MSMB: variants seen among roughly 807,000 people sequenced by gnomAD.
MSMB encodes microseminoprotein beta.
A neutral mutation model predicts 10.5 loss-of-function variants in MSMB; 10 were observed. That is an observed-to-expected ratio of 0.95 (90% CI 0.59 to 1.62). MSMB has a LOEUF of 1.62. MSMB is among the 40% of genes most tolerant of loss of function. The pLI is 0.00. For synonymous variants in MSMB, 43 were observed against 46.5 expected (o/e 0.93, Z 0.30); for missense variants, 126 against 137.4 (o/e 0.92, Z 0.42).
chr10:46,036,654 G>A (rs533989875), intron 3 of MSMB, among the ~76,000 whole-genome samples: 1 of 152,322 alleles, frequency 6.6e-6, no homozygotes, highest in African/African-American at 2.4e-5. Flanking sequence ...TAGTATACAA[G>A]GGAATGGAGA....
chr10:46,033,624 T>C, intron 3 of MSMB, 73 bp from the exon 4 acceptor site: 1 of 1,587,224 alleles, frequency 6.3e-7, no homozygotes, highest in Non-Finnish European at 8.6e-7. Flanking sequence ...GTGCCAGCTC[T>C]GTTCAGGAAG....
chr10:46,045,562 G>A (rs1840876132), intron 1 of MSMB, among the ~76,000 whole-genome samples: 1 of 152,002 alleles, frequency 6.6e-6, no homozygotes, highest in Admixed American at 6.6e-5. Context: ...AACAAACACA[G>A]CCCCAAACCC....
chr10:46,037,511 C>A (rs529847097), intron 3 of MSMB, among the ~76,000 whole-genome samples: 1 of 152,176 alleles, frequency 6.6e-6, no homozygotes, highest in Non-Finnish European at 1.5e-5. Context: ...CTCTGTGTTC[C>A]GCCTGCTCAA....
intron 3 of MSMB, among the ~76,000 whole-genome samples, chr10:46,036,939 A>G (rs1554927620): frequency 5.3e-5 from 8 of 152,158 alleles, no homozygotes; most frequent in Non-Finnish European, 1.2e-4. Flanking sequence ...TATAAAGACA[A>G]TGTCAAATTT....
chr10:46,043,390 A>ATGCT (rs1377519019), intron 1 of MSMB, among the ~76,000 whole-genome samples: 2 of 151,378 alleles, frequency 1.3e-5, no homozygotes, highest in Non-Finnish European at 2.9e-5. Flanking sequence ...AAATAGCCTA[A>ATGCT]TGCTGTCTCT....
intron 1 of MSMB, among the ~76,000 whole-genome samples, chr10:46,042,725 G>A (rs1840781118): frequency 6.6e-6 from 1 of 152,164 alleles, no homozygotes; most frequent in Non-Finnish European, 1.5e-5. Context: ...AAGGTAGAAG[G>A]TGAAGTCACA....
At position 46,040,158 on chromosome 10, in the gene MSMB, T is replaced by C. The variant is rs1271203949; in HGVS notation, c.4-67A>G. On this transcript the variant is annotated intron_variant, in intron 1 of 3. Coordinates refer to ENST00000582163, the MANE Select transcript of MSMB (RefSeq NM_002443.4). ...CAAAGGATAATCCTTGACTGAGTGC[T>C]GTGTACCAGGATCTCGGCTGGGCTC... is the stretch of plus-strand genomic sequence containing the variant. 15 of 1,389,464 alleles carry C rather than the reference T, an allele frequency of 1.1e-5. No individual in the cohort carries two copies. The East Asian group carries it at 1.2e-4, about 11-fold the overall frequency. The allele number at this position is 1,389,464 out of a possible 1,614,324, so 86.1% of individuals were successfully genotyped here.
In MSMB at chr10:46,039,000, T is replaced by G; in HGVS notation, c.181A>C (p.Thr61Pro). 1 of 1,614,124 alleles carries G rather than the reference T, an allele frequency of 6.2e-7. No homozygotes were observed. Among genetic ancestry groups the G allele is most frequent in the Non-Finnish European group, 8.5e-7 (1 of 1,179,972 alleles). Residue 61 changes from threonine to proline, a missense_variant, in exon 3 of 4, where the codon ACT becomes CCT. Physicochemically the swap from Thr to Pro is conservative, Grantham distance 38 (BLOSUM62 -1). Transcript: ENST00000582163. ...EWQTDNCETCTCYETEISCCT... is the reference protein window; with the variant it reads ...EWQTDNCETCPCYETEISCCT... The stretch of plus-strand genomic sequence containing the variant: ...CATGAAATTTCTGTTTCGTAGCAAG[T>G]GCATGTCTCACAGTTGTCAGTCTGC...
intron 2 of MSMB, among the ~76,000 whole-genome samples, chr10:46,039,495 G>C (rs561019290): frequency 6.6e-6 from 1 of 152,144 alleles, no homozygotes; most frequent in Non-Finnish European, 1.5e-5. Flanking sequence ...AACATCTTGG[G>C]TACTTGAAAG....
At chr10:46,039,905 A>G (rs1840702427) in intron 2 of MSMB, 81 bp downstream of exon 2, 1 of 1,069,444 alleles carries the variant, frequency 9.4e-7, no homozygotes, top group African/African-American at 1.6e-5. Flanking sequence ...AAACAAACAG[A>G]AACACAAAGG....
chr10:46,043,114 T>A (rs1554928858), intron 1 of MSMB, among the ~76,000 whole-genome samples: 1 of 152,150 alleles, frequency 6.6e-6, no homozygotes, highest in Non-Finnish European at 1.5e-5. Context: ...ACAGCATTTT[T>A]ACTCCCTTCA....
rs188435097 is a variant in MSMB at position 46,038,233 on chromosome 10, A to G, written c.215+733T>C. On this transcript the variant is annotated intron_variant, in intron 3 of 3. Transcript: ENST00000582163. Reference sequence around the variant, plus strand: ...CAATGTGAATGGACCTAATGCCACTAAAGTATACATTTAAAATTGTTAACA... The same window carrying G: ...CAATGTGAATGGACCTAATGCCACTGAAGTATACATTTAAAATTGTTAACA... Among the ~76,000 whole-genome samples, 736 of 152,312 alleles carry G rather than the reference A, an allele frequency of 4.8e-3. 2 individuals are homozygous for G. The highest frequency in any genetic ancestry group is 7.9e-3 in the Non-Finnish European group (540 of 68,020).
In MSMB at chr10:46,040,164, C is replaced by T. The variant is rs181181781; in HGVS notation, c.4-73G>A. 2.5e-4 allele frequency: 327 copies of T among 1,332,016 alleles called. 3 individuals are homozygous for T. In the Admixed American group the frequency reaches 5.9e-3, roughly 24 times the overall value. The allele number at this position is 1,332,016 out of a possible 1,614,324, so 82.5% of individuals were successfully genotyped here. ...ATAATCCTTGACTGAGTGCTGTGTA[C>T]CAGGATCTCGGCTGGGCTCTGCTGA... On this transcript the variant is annotated intron_variant, in intron 1 of 3. Coordinates refer to ENST00000582163, the MANE Select transcript of MSMB (RefSeq NM_002443.4).
chr10:46,045,175 T>C (rs140604363), intron 1 of MSMB, among the ~76,000 whole-genome samples: 1 of 152,220 alleles, frequency 6.6e-6, no homozygotes, highest in Non-Finnish European at 1.5e-5. Context: ...AAAGAATGTT[T>C]TAAGAAAGAT....
intron 1 of MSMB, 141 bp from the exon 2 acceptor site, chr10:46,040,232 C>G: frequency 2.0e-6 from 1 of 506,878 alleles, no homozygotes; most frequent in Non-Finnish European, 3.4e-6. Context: ...ACCAGTTAAT[C>G]TAGGCTGAAA....
chr10:46,039,607 C>G (rs1487337488), intron 2 of MSMB, among the ~76,000 whole-genome samples: 1 of 152,208 alleles, frequency 6.6e-6, no homozygotes, highest in Non-Finnish European at 1.5e-5. Context: ...TGAGGCCAGG[C>G]ACAGTGGCTC....
chr10:46,036,230 C>T (rs782384458), intron 3 of MSMB, among the ~76,000 whole-genome samples: 1 of 152,230 alleles, frequency 6.6e-6, no homozygotes, highest in Admixed American at 6.5e-5. Flanking sequence ...CACCGAGCAC[C>T]TTGAGATCTG....
chr10:46,040,597 C>T (rs1221231247), intron 1 of MSMB, among the ~76,000 whole-genome samples: 4 of 152,164 alleles, frequency 2.6e-5, no homozygotes, highest in African/African-American at 4.8e-5. Context: ...AAAGTCACTT[C>T]GAAAAGACCA....
At chr10:46,041,954 A>T (rs1468817538) in intron 1 of MSMB, among the ~76,000 whole-genome samples, 3 of 152,160 alleles carry the variant, frequency 2.0e-5, no homozygotes, top group East Asian at 3.8e-4. Context: ...GTGGAGAGCG[A>T]TTATTCAATA....
Sources: allele counts gnomAD v4.1 joint callset (sites outside exome capture counted in the v4.1 genomes callset), GRCh38; gene constraint gnomAD v4.1.1; transcripts MANE v1.5; gene names NCBI Gene and HGNC (gene_info 2026-07-23, HGNC 2026-07-21).